The following B4GALT1 variants were observed in gnomAD, a reference collection of about 807,000 sequenced individuals.
B4GALT1 encodes N-acetyllactosamine synthase.
Under a neutral mutation model 34.9 loss-of-function variants are expected in B4GALT1, and 16 were observed. The ratio of observed to expected loss-of-function variants is 0.46; its 90% CI spans 0.31 to 0.70. The LOEUF is 0.70. Among genes scored for constraint, B4GALT1 ranks in the 30% least tolerant of loss-of-function variants. The pLI, the probability that B4GALT1 is intolerant of heterozygous loss-of-function variation, is 0.05. For missense variants in B4GALT1, 445 were observed against 530.5 expected (o/e 0.84, Z 1.58); for synonymous variants, 221 against 218.1 (o/e 1.01, Z -0.12).
the B4GALT1 span, among the ~76,000 whole-genome samples, chr9:33,172,974 C>T: frequency 1.3e-5 from 2 of 152,010 alleles, no homozygotes; most frequent in African/African-American, 4.8e-5. Flanking sequence ...CAAAGAGGGT[C>T]AAAGCCCAGG....
At chr9:33,141,378 C>T (rs758143935) in intron 1 of B4GALT1, among the ~76,000 whole-genome samples, 5 of 151,950 alleles carry the variant, frequency 3.3e-5, no homozygotes, top group African/African-American at 7.3e-5. Flanking sequence ...AAAAATTAAC[C>T]GGGTGTGGTG....
chr9:33,122,814 G>A (rs1048995080), intron 2 of B4GALT1, among the ~76,000 whole-genome samples: 13 of 152,136 alleles, frequency 8.5e-5, no homozygotes, highest in South Asian at 2.1e-4. Flanking sequence ...GGAATTCTGC[G>A]TTCAGCTAAT....
chr9:33,166,222 T>A (rs1461459466), intron 1 of B4GALT1, among the ~76,000 whole-genome samples: 1 of 152,146 alleles, frequency 6.6e-6, no homozygotes, highest in Non-Finnish European at 1.5e-5. Flanking sequence ...CCATTTATTA[T>A]CCCAGAAGAG....
downstream of B4GALT1, among the ~76,000 whole-genome samples, chr9:33,109,184 C>T (rs1034961656): frequency 2.6e-5 from 4 of 152,078 alleles, no homozygotes; most frequent in Admixed American, 6.6e-5. Context: ...TGGCAATGGC[C>T]GATGATGTAG....
chr9:33,142,068 C>T (rs927512973), intron 1 of B4GALT1, among the ~76,000 whole-genome samples: 1 of 152,124 alleles, frequency 6.6e-6, no homozygotes, highest in Non-Finnish European at 1.5e-5. Flanking sequence ...CTACAACCTC[C>T]GCCTCCTGGG....
At chr9:33,114,635 G>A (rs1839913650) in intron 4 of B4GALT1, among the ~76,000 whole-genome samples, 1 of 152,194 alleles carries the variant, frequency 6.6e-6, no homozygotes. Context: ...AACAAGACTA[G>A]AGGCAGCCAG....
chr9:33,169,177 T>C (rs1260709405), upstream of B4GALT1, among the ~76,000 whole-genome samples: 1 of 152,226 alleles, frequency 6.6e-6, no homozygotes, highest in Non-Finnish European at 1.5e-5. Flanking sequence ...CCACAGAGCA[T>C]CCAGGAAATC....
chr9:33,183,875 G>C, the B4GALT1 span, among the ~76,000 whole-genome samples: 1 of 152,108 alleles, frequency 6.6e-6, no homozygotes, highest in Non-Finnish European at 1.5e-5. Flanking sequence ...CAGGGACATG[G>C]ATGAAGCTGG....
chr9:33,122,461 G>A (rs1840034766), intron 2 of B4GALT1, among the ~76,000 whole-genome samples: 1 of 151,808 alleles, frequency 6.6e-6, no homozygotes. Flanking sequence ...GAGCCATGAC[G>A]GCACCACTGC....
intron 1 of B4GALT1, among the ~76,000 whole-genome samples, chr9:33,143,354 C>T (rs986825226): frequency 6.6e-5 from 10 of 152,172 alleles, no homozygotes; most frequent in Admixed American, 2.0e-4. Flanking sequence ...AAAGTGACTT[C>T]GTCAGCAATG....
At chr9:33,120,126 G>A (rs1839998563) in intron 3 of B4GALT1, among the ~76,000 whole-genome samples, 1 of 151,862 alleles carries the variant, frequency 6.6e-6, no homozygotes, top group South Asian at 2.1e-4. Flanking sequence ...AGAGGTTGCG[G>A]TGAGCCAAGA....
intron 1 of B4GALT1, among the ~76,000 whole-genome samples, chr9:33,160,427 G>A (rs1250401999): frequency 6.6e-6 from 1 of 152,172 alleles, no homozygotes; most frequent in Non-Finnish European, 1.5e-5. Flanking sequence ...TGAACACCAG[G>A]CTATCTACAT....
chr9:33,167,422 T>C (rs1230795768), upstream of B4GALT1: 10 of 187,554 alleles, frequency 5.3e-5, no homozygotes, highest in Non-Finnish European at 7.8e-5. Context: ...CGGGGTTTTC[T>C]GGACGAGGGC....
intron 1 of B4GALT1, among the ~76,000 whole-genome samples, chr9:33,136,612 G>A (rs1309783054): frequency 2.0e-5 from 3 of 152,176 alleles, no homozygotes; most frequent in African/African-American, 4.8e-5. Flanking sequence ...TTGTGCAGTC[G>A]AAAAACCCCC....
At position 33,135,420 on chromosome 9, in the gene B4GALT1, G is replaced by A. The variant is rs1840254401; in HGVS notation, c.417C>T (p.Gly139=). Residue 139 remains glycine, a synonymous_variant, in exon 2 of 6, where the codon GGC becomes GGT. Coordinates refer to ENST00000379731, the MANE Select transcript of B4GALT1 (RefSeq NM_001497.4). ...GCATGTTAAACTCAATCAGCATGGGGCCCACTAGAGAGGTGGAGGGAGGGA... is the reference window on the plus strand; with the variant it reads ...GCATGTTAAACTCAATCAGCATGGGACCCACTAGAGAGGTGGAGGGAGGGA... ...ACPEESPLLV[G]PMLIEFNMPV... 6.2e-7 allele frequency: 1 copy of A among 1,614,046 alleles called. No individual in the cohort carries two copies. Among genetic ancestry groups the A allele is most frequent in the Non-Finnish European group, 8.5e-7 (1 of 1,179,972 alleles).
chr9:33,117,787 C>T (rs1205240580), intron 3 of B4GALT1, among the ~76,000 whole-genome samples: 2 of 152,202 alleles, frequency 1.3e-5, no homozygotes, highest in African/African-American at 4.8e-5. Flanking sequence ...AGTCATCCAC[C>T]TTTGGCACAC....
At chr9:33,170,116 C>T (rs1840826631), upstream of B4GALT1, among the ~76,000 whole-genome samples, 1 of 151,748 alleles carries the variant, frequency 6.6e-6, no homozygotes, top group South Asian at 2.1e-4. Context: ...ACTACAGGTG[C>T]CTGCCACCAT....
intron 3 of B4GALT1, among the ~76,000 whole-genome samples, chr9:33,117,892 G>A (rs1382850086): frequency 2.6e-5 from 4 of 152,316 alleles, no homozygotes; most frequent in Non-Finnish European, 4.4e-5. Flanking sequence ...TACAGAAATG[G>A]ATTCTTAGCT....
chr9:33,152,416 T>C (rs989851186), intron 1 of B4GALT1, among the ~76,000 whole-genome samples: 1 of 151,178 alleles, frequency 6.6e-6, no homozygotes, highest in Non-Finnish European at 1.5e-5. Context: ...GAGTGACAGA[T>C]GGAGAGACCA....
Sources: gnomAD v4.1 joint callset for allele counts (sites outside exome capture counted in the v4.1 genomes callset) on GRCh38, gnomAD v4.1.1 for gene constraint, MANE v1.5 for transcripts, NCBI Gene and HGNC (gene_info 2026-07-23, HGNC 2026-07-21) for gene names.